The following LARGE1 variants were observed in gnomAD, a reference collection of about 807,000 sequenced individuals.
LARGE1 encodes the protein LARGE xylosyl- and glucuronyltransferase 1.
A neutral mutation model predicts 87.6 loss-of-function variants in LARGE1; 43 were observed. The observed-to-expected ratio is 0.49, with a 90% confidence interval of 0.38 to 0.63. The LOEUF (loss-of-function observed/expected upper bound fraction) is 0.63. Ranked by LOEUF, LARGE1 falls within the 30% of genes least tolerant of loss-of-function variation. LARGE1 has a pLI of 0.00. For synonymous variants in LARGE1, 434 were observed against 394.6 expected (o/e 1.10, Z -1.18); for missense variants, 802 against 1,000.2 (o/e 0.80, Z 2.67).
rs1299423394 is a variant in LARGE1 at position 33,412,155 on chromosome 22, G to A, written c.892+20006C>T. ...AAAAATTAGCCAGGCGTGGTGGCACGCGCTTGTAGTCCCAGCTACTCGAGA... is the reference window on the plus strand; with the variant it reads ...AAAAATTAGCCAGGCGTGGTGGCACACGCTTGTAGTCCCAGCTACTCGAGA... On this transcript the variant is annotated intron_variant, in intron 7 of 14. Transcript: ENST00000397394. Among the ~76,000 whole-genome samples the A allele has an allele frequency of 5.3e-5, 8 of 152,168 alleles. No individual in the cohort carries two copies. In the East Asian group the frequency reaches 7.7e-4, roughly 15 times the overall value.
At chr22:33,395,857 T>C (rs545128957) in intron 7 of LARGE1, among the ~76,000 whole-genome samples, 5 of 152,322 alleles carry the variant, frequency 3.3e-5, no homozygotes, top group Admixed American at 2.0e-4. Context: ...TAGGAGATGA[T>C]TGATTAGGGT....
intron 3 of LARGE1, among the ~76,000 whole-genome samples, chr22:33,636,105 T>C (rs1157449452): frequency 1.3e-5 from 2 of 152,186 alleles, no homozygotes; most frequent in Non-Finnish European, 2.9e-5. Context: ...GGATTGACTT[T>C]CTTGTGCTAT....
intron 2 of LARGE1, among the ~76,000 whole-genome samples, chr22:33,709,309 G>A (rs963632958): frequency 1.3e-5 from 2 of 152,126 alleles, no homozygotes; most frequent in African/African-American, 4.8e-5. Context: ...ACCACGCCAC[G>A]AAGGTGCCTA....
intron 1 of LARGE1, among the ~76,000 whole-genome samples, chr22:33,830,717 T>A (rs527952517): frequency 6.6e-6 from 1 of 152,182 alleles, no homozygotes; most frequent in East Asian, 1.9e-4. Flanking sequence ...TTTAACTGAA[T>A]ACCATAGACT....
Position 33,451,001 on chromosome 22 carries a change from A to G in LARGE1, c.788-18736T>C, listed in dbSNP as rs144627061. On this transcript the variant is annotated intron_variant, in intron 6 of 14. Transcript: ENST00000397394. Reference sequence around the variant, plus strand: ...GGGTAAAGCAGAGTATGGCTCTGTCAGCAAAGCCAGTGCAGACGCAGCCCA... The same window carrying G: ...GGGTAAAGCAGAGTATGGCTCTGTCGGCAAAGCCAGTGCAGACGCAGCCCA... Among the ~76,000 whole-genome samples the G allele has an allele frequency of 1.8e-3, 279 of 152,330 alleles. 1 individual carries two copies. The highest frequency in any genetic ancestry group is 2.8e-3 in the Non-Finnish European group (193 of 68,034).
rs777195004 is a variant in LARGE1 at position 33,622,680 on chromosome 22, T to A, written c.491+3564A>T. On this transcript the variant is annotated intron_variant, in intron 4 of 14. Coordinates refer to ENST00000397394, the MANE Select transcript of LARGE1 (RefSeq NM_133642.5). ...TGCCACTGGAATCTCTCCCCATATA[T>A]GTAAGCCCCCAGTTAAACCCAACGT... Among the ~76,000 whole-genome samples the A allele has an allele frequency of 3.9e-5, 6 of 152,318 alleles. No individual in the cohort carries two copies. In the South Asian group the frequency reaches 6.2e-4, roughly 16 times the overall value.
At chr22:33,531,900 A>T (rs2072223808) in intron 6 of LARGE1, among the ~76,000 whole-genome samples, 1 of 152,210 alleles carries the variant, frequency 6.6e-6, no homozygotes, top group Non-Finnish European at 1.5e-5. Flanking sequence ...TTGCCGGGTG[A>T]GCTTCCTTCC....
intron 1 of LARGE1, among the ~76,000 whole-genome samples, chr22:33,787,869 GT>G (rs557100082): frequency 2.1e-4 from 32 of 152,164 alleles, no homozygotes; most frequent in Non-Finnish European, 4.0e-4. Flanking sequence ...AGTTCCTGTG[GT>G]TCCCTGCTAT....
chr22:33,593,894 GC>G lies in LARGE1; in HGVS notation c.615+10540del, dbSNP rs915528962. Among the ~76,000 whole-genome samples, 24 of 152,256 alleles carry G rather than the reference GC, an allele frequency of 1.6e-4. No homozygotes were observed. The South Asian group carries it at 1.9e-3, about 12-fold the overall frequency. Reference sequence around the variant, plus strand: ...TGCTGTTTTATTTCCATCGGGTAGCGCTGCTCAAGAGTCAGACTACCCAAAA... The same window carrying G: ...TGCTGTTTTATTTCCATCGGGTAGCGTGCTCAAGAGTCAGACTACCCAAAA... On this transcript the variant is annotated intron_variant, in intron 5 of 14. Transcript: ENST00000397394.
chr22:33,566,897 C>T (rs2078044294), intron 5 of LARGE1, among the ~76,000 whole-genome samples: 1 of 152,154 alleles, frequency 6.6e-6, no homozygotes, highest in East Asian at 1.9e-4. Flanking sequence ...TCCAAGTCCC[C>T]ATTTGACCCA....
chr22:33,405,440 C>A (rs1246893511), intron 7 of LARGE1, among the ~76,000 whole-genome samples: 2 of 152,184 alleles, frequency 1.3e-5, no homozygotes, highest in African/African-American at 4.8e-5. Flanking sequence ...TAAACTGTCA[C>A]CTCATCAGAG....
chr22:33,746,842 G>A (rs2084105865), intron 2 of LARGE1, among the ~76,000 whole-genome samples: 1 of 152,132 alleles, frequency 6.6e-6, no homozygotes, highest in African/African-American at 2.4e-5. Flanking sequence ...TGGAGCCCAG[G>A]AGAGGAGGAG....
intron 6 of LARGE1, among the ~76,000 whole-genome samples, chr22:33,483,694 G>C (rs2069435197): frequency 6.6e-6 from 1 of 152,196 alleles, no homozygotes; most frequent in Non-Finnish European, 1.5e-5. Flanking sequence ...ACAGGGCACT[G>C]AAGATCCTGC....
At chr22:33,254,672 A>G (rs1191416056) in intron 11 of LARGE1, among the ~76,000 whole-genome samples, 1 of 152,334 alleles carries the variant, frequency 6.6e-6, no homozygotes, top group Admixed American at 6.5e-5. Flanking sequence ...ATGGGACAAT[A>G]ATAGAACCTG....
At chr22:33,214,362 C>A (rs749714309) in intron 11 of LARGE1, among the ~76,000 whole-genome samples, 7 of 151,978 alleles carry the variant, frequency 4.6e-5, no homozygotes, top group Non-Finnish European at 7.4e-5. Context: ...ACCTAAAGAA[C>A]TAATCTTAAC....
intron 6 of LARGE1, among the ~76,000 whole-genome samples, chr22:33,544,883 G>C (rs2077311886): frequency 6.6e-6 from 1 of 151,466 alleles, no homozygotes; most frequent in Non-Finnish European, 1.5e-5. Flanking sequence ...CCTTCAGCCA[G>C]GGATGAGATC....
At chr22:33,720,133 C>T (rs1193597636) in intron 2 of LARGE1, among the ~76,000 whole-genome samples, 1 of 151,982 alleles carries the variant, frequency 6.6e-6, no homozygotes, top group Non-Finnish European at 1.5e-5. Context: ...TACAACTCAC[C>T]ATAATGTAAA....
At chr22:33,263,503 T>C (rs558577185) in intron 11 of LARGE1, among the ~76,000 whole-genome samples, 3 of 152,280 alleles carry the variant, frequency 2.0e-5, no homozygotes, top group African/African-American at 7.2e-5. Context: ...CCTGGGTCAA[T>C]AGCCATGTAG....
At chr22:33,086,892 C>T in the LARGE1 span, among the ~76,000 whole-genome samples, 1 of 152,182 alleles carries the variant, frequency 6.6e-6, no homozygotes, top group South Asian at 2.1e-4. Flanking sequence ...TTCCTTACTA[C>T]AAGCTTGGAT....
Sources: gnomAD v4.1 joint callset for allele counts (sites outside exome capture counted in the v4.1 genomes callset) on GRCh38, gnomAD v4.1.1 for gene constraint, MANE v1.5 for transcripts, NCBI Gene and HGNC (gene_info 2026-07-23, HGNC 2026-07-21) for gene names.